Variants in ZNF716 observed in about 807,000 individuals in gnomAD.
ZNF716 encodes zinc finger protein 716.
ZNF716 carries 9 observed loss-of-function variants against 13.4 expected under a neutral mutation model. The ratio of observed to expected loss-of-function variants is 0.67; its 90% CI spans 0.41 to 1.18. The LOEUF (loss-of-function observed/expected upper bound fraction) is 1.18, where lower values mean the gene tolerates loss of function less well. Ranked by LOEUF, ZNF716 falls within the 50% of genes most tolerant of loss-of-function variation. The pLI, the probability that ZNF716 is intolerant of heterozygous loss-of-function variation, is 0.01. For missense variants in ZNF716, 581 were observed against 576.6 expected (o/e 1.01, Z -0.08); for synonymous variants, 186 against 195.2 (o/e 0.95, Z 0.39).
chr7:57,454,851 C>A (rs1554322039), intron 1 of ZNF716, among the ~76,000 whole-genome samples: 2 of 151,978 alleles, frequency 1.3e-5, no homozygotes, highest in Admixed American at 1.3e-4. Flanking sequence ...GGTGAAACCC[C>A]ATCTCTACTA....
chr7:57,462,748 C>T (rs1554323364), intron 2 of ZNF716, among the ~76,000 whole-genome samples, 162 bp downstream of exon 2: 1 of 152,140 alleles, frequency 6.6e-6, no homozygotes, highest in Non-Finnish European at 1.5e-5. Flanking sequence ...GATGTTTTAT[C>T]TTGACCTGAA....
intron 1 of ZNF716, among the ~76,000 whole-genome samples, chr7:57,460,649 A>G (rs1336140960): frequency 1.3e-5 from 2 of 152,138 alleles, no homozygotes. Context: ...ATGACCTGCA[A>G]TATTTAAAAT....
At chr7:57,456,111 A>C (rs782539891) in intron 1 of ZNF716, among the ~76,000 whole-genome samples, 2 of 151,788 alleles carry the variant, frequency 1.3e-5, no homozygotes, top group Non-Finnish European at 2.9e-5. Flanking sequence ...ACCCACCACC[A>C]TGCCCGGCTA....
In ZNF716 at chr7:57,470,034, C is replaced by A; in HGVS notation, c.*85C>A. ...TCACTACAAGTGTGGAGAATGTGGC[C>A]AATTCTTTAACCAGTTCCAAACCAC... On this transcript the variant is annotated 3_prime_UTR_variant, in exon 4 of 4. Coordinates refer to ENST00000420713, the MANE Select transcript of ZNF716 (RefSeq NM_001159279.1). 2 of 1,314,534 alleles carry A rather than the reference C, an allele frequency of 1.5e-6. No homozygotes were observed. Among genetic ancestry groups the A allele is most frequent in the Non-Finnish European group, 2.0e-6 (2 of 977,210 alleles). The allele number at this position is 1,314,534 out of a possible 1,614,324, so 81.4% of individuals were successfully genotyped here.
At position 57,455,940 on chromosome 7, in the gene ZNF716, G is replaced by GT. The variant is rs201027190; in HGVS notation, c.39+5620dup. 7.1e-3 allele frequency among the ~76,000 whole-genome samples: 1,063 copies of GT among 148,758 alleles called. 20 individuals are homozygous for GT. Among genetic ancestry groups the GT allele is most frequent in the African/African-American group, 0.024 (988 of 40,452 alleles). Reference sequence around the variant, plus strand: ...GTTTCTGGGTTGCATGGTTTTTTTTGTTTTTTTGTTTGTTTGTTTGTTTTT... The same window carrying GT: ...GTTTCTGGGTTGCATGGTTTTTTTTGTTTTTTTTGTTTGTTTGTTTGTTTTT... On this transcript the variant is annotated intron_variant, in intron 1 of 3. Coordinates refer to ENST00000420713, the MANE Select transcript of ZNF716 (RefSeq NM_001159279.1).
At chr7:57,456,818 G>A (rs1789600961) in intron 1 of ZNF716, among the ~76,000 whole-genome samples, 1 of 152,122 alleles carries the variant, frequency 6.6e-6, no homozygotes, top group South Asian at 2.1e-4. Flanking sequence ...GCCTGGCCTG[G>A]AGGGGGACTC....
At position 57,471,073 on chromosome 7, in the gene ZNF716, C is replaced by T. The variant is rs1331001509; in HGVS notation, c.*1124C>T. ...TAAAAATATAAAGAATGTGAAAAGC[C>T]ATTAATGTCTGTTCACATCTTACTC... On this transcript the variant is annotated 3_prime_UTR_variant, in exon 4 of 4. Transcript: ENST00000420713. 6.6e-6 allele frequency: 1 copy of T among 152,060 alleles called. No homozygotes were observed. The allele number at this position is 152,060 out of a possible 1,614,324, so 9.4% of individuals were successfully genotyped here. A position where few individuals can be genotyped will look rare whatever the true frequency, so the allele number is the denominator to read the frequency against.
In ZNF716 at chr7:57,450,308, C is replaced by G. The variant is rs984707364; in HGVS notation, c.20C>G (p.Pro7Arg). The change falls in exon 1 of 4, where the codon CCC becomes CGC. Residue 7 changes from proline (P) to arginine (R), a missense_variant. Transcript: ENST00000420713. MAKRPG[P>R]PGSREMGLLT... ...AGATTTATGGCTAAAAGACCGGGAC[C>G]CCCTGGAAGCCGAGAAATGGTGAGT... is the stretch of plus-strand genomic sequence containing the variant. 2.2e-5 allele frequency: 36 copies of G among 1,613,812 alleles called. No individual in the cohort carries two copies. The highest frequency in any genetic ancestry group is 2.8e-5 in the Non-Finnish European group (33 of 1,179,970).
Position 57,459,328 on chromosome 7 carries a change from C to T in ZNF716, c.40-3132C>T, listed in dbSNP as rs1331458196. 2.1e-5 allele frequency among the ~76,000 whole-genome samples: 3 copies of T among 142,594 alleles called. 1 individual carries two copies. The highest frequency in any genetic ancestry group is 1.5e-5 in the Non-Finnish European group (1 of 64,832). The allele number at this position is 142,594 out of a possible 152,430, so 93.5% of individuals were successfully genotyped here. On this transcript the variant is annotated intron_variant, in intron 1 of 3. Coordinates refer to ENST00000420713, the MANE Select transcript of ZNF716 (RefSeq NM_001159279.1). ...GCTTAGTACATGTGTACAGGTTTCC[C>T]AAGTGCAGATTCACTCAGACATTGC...
At chr7:57,464,115 C>CTTTTTTTTTTTTTTTTT (rs782745508) in intron 3 of ZNF716, among the ~76,000 whole-genome samples, 1 of 110,238 alleles carries the variant, frequency 9.1e-6, no homozygotes. Flanking sequence ...TTGTCCATTT[C>CTTTTTTTTTTTTTTTTT]TTTTTTCTTT....
rs1269405403 is a variant in ZNF716 at position 57,469,147 on chromosome 7, C to G, written c.686C>G (p.Thr229Ser). The G allele has an allele frequency of 2.5e-6, 4 of 1,611,280 alleles. No individual in the cohort carries two copies. The highest frequency in any genetic ancestry group is 3.4e-6 in the Non-Finnish European group (4 of 1,178,618). Residue 229 changes from threonine to serine, a missense_variant, in exon 4 of 4, where the codon ACT (threonine) becomes AGT (serine). By Grantham distance (58) the Thr-to-Ser change is moderately conservative. Coordinates refer to ENST00000420713, the MANE Select transcript of ZNF716 (RefSeq NM_001159279.1). ...TCCTTTAACTGCTCTTCAACCCTTA[C>G]TAGACATAAAAGAATTCATACTGGA... Reference protein sequence around the residue: ...GKSFNCSSTLTRHKRIHTGEK... With the variant: ...GKSFNCSSTLSRHKRIHTGEK...
rs1479013722 is a variant in ZNF716, at chr7:57,469,536, A to C, written c.1075A>C (p.Lys359Gln). Residue 359 changes from lysine (K) to glutamine (Q), a missense_variant, in exon 4 of 4, where the codon AAA becomes CAA. Lys to Gln is a moderately conservative substitution (Grantham distance 53, BLOSUM62 1). Transcript: ENST00000420713. Reference sequence around the variant, plus strand: ...ACTCTACACATGTGAAGAATGTGGGAAAGCCTTTACCTTCTCCTCAACTCT... The same window carrying C: ...ACTCTACACATGTGAAGAATGTGGGCAAGCCTTTACCTTCTCCTCAACTCT... ...EKLYTCEECG[K>Q]AFTFSSTLNT... 1.2e-6 allele frequency: 2 copies of C among 1,610,676 alleles called. No individual in the cohort carries two copies. Among genetic ancestry groups the C allele is most frequent in the Admixed American group, 1.7e-5 (1 of 59,264 alleles).
chr7:57,455,514 T>TTTTTTTTATTTATTTA (rs1554322112), intron 1 of ZNF716, among the ~76,000 whole-genome samples: 2 of 151,790 alleles, frequency 1.3e-5, no homozygotes, highest in African/African-American at 4.9e-5. Flanking sequence ...GGATGGAGAA[T>TTTTTTTTATTTATTTA]TTTATTTATT....
rs139285473 is a variant in ZNF716, at chr7:57,467,272, C to T, written c.263-1452C>T. Among the ~76,000 whole-genome samples, 34 of 151,968 alleles carry T rather than the reference C, an allele frequency of 2.2e-4. No individual in the cohort carries two copies. The Middle Eastern group carries it at 0.01, about 46-fold the overall frequency. The stretch of plus-strand genomic sequence containing the variant: ...TTAAAGAACAACTAAAAATGTTTTC[C>T]GCATGATCACAATAATGCCACAGAC... On this transcript the variant is annotated intron_variant, in intron 3 of 3. Transcript: ENST00000420713.
chr7:57,457,591 G>A (rs1435946416), intron 1 of ZNF716, among the ~76,000 whole-genome samples: 7 of 152,220 alleles, frequency 4.6e-5, no homozygotes, highest in East Asian at 3.9e-4. Context: ...TGATCTGCCC[G>A]CCTCGGCCTT....
At chr7:57,453,780 C>T (rs1260268991) in intron 1 of ZNF716, among the ~76,000 whole-genome samples, 1 of 152,326 alleles carries the variant, frequency 6.6e-6, no homozygotes, top group Non-Finnish European at 1.5e-5. Flanking sequence ...ATCAAAACAT[C>T]AGTCTCTCTT....
intron 3 of ZNF716, among the ~76,000 whole-genome samples, chr7:57,465,175 T>C (rs183506470): frequency 6.6e-6 from 1 of 152,340 alleles, no homozygotes; most frequent in Admixed American, 6.5e-5. Flanking sequence ...AATTAAGATA[T>C]CAATTAAGTA....
chr7:57,454,338 A>G (rs1554321948), intron 1 of ZNF716, among the ~76,000 whole-genome samples: 1 of 152,218 alleles, frequency 6.6e-6, no homozygotes, highest in Non-Finnish European at 1.5e-5. Flanking sequence ...TTTCCCTTGT[A>G]TAAACACTGC....
rs1789554452 is a variant in ZNF716, at chr7:57,454,597, G to A, written c.39+4270G>A. 3.9e-5 allele frequency among the ~76,000 whole-genome samples: 6 copies of A among 152,210 alleles called. No individual in the cohort carries two copies. In the South Asian group the frequency reaches 1.0e-3, roughly 26 times the overall value. ...AAGCAACAGAGGCAGGGAAACCTGGGGACCCACAGGCAGATGTAGTTAGGG... is the reference window on the plus strand; with the variant it reads ...AAGCAACAGAGGCAGGGAAACCTGGAGACCCACAGGCAGATGTAGTTAGGG... On this transcript the variant is annotated intron_variant, in intron 1 of 3. Coordinates refer to ENST00000420713, the MANE Select transcript of ZNF716 (RefSeq NM_001159279.1).
Sources: gnomAD v4.1 joint callset for allele counts (sites outside exome capture counted in the v4.1 genomes callset) on GRCh38, gnomAD v4.1.1 for gene constraint, MANE v1.5 for transcripts, NCBI Gene and HGNC (gene_info 2026-07-23, HGNC 2026-07-21) for gene names.